MRC2: variants seen among roughly 807,000 people sequenced by gnomAD.
The protein encoded by MRC2 is C-type mannose receptor 2.
A neutral mutation model predicts 206.2 loss-of-function variants in MRC2; 84 were observed. That is an observed-to-expected ratio of 0.41 (90% CI 0.34 to 0.49). MRC2 has a LOEUF of 0.49. Among genes scored for constraint, MRC2 ranks in the 20% least tolerant of loss-of-function variants. MRC2 has a pLI of 0.31. For missense variants in MRC2, 1,676 were observed against 2,001.5 expected (o/e 0.84, Z 3.10); for synonymous variants, 798 against 800.0 (o/e 1.00, Z 0.04).
Position 62,690,573 on chromosome 17 carries a change from A to G in MRC2, c.3893-69A>G, listed in dbSNP as rs140314642. ...CTCAGGCTGCAGAGAAGAGGGCTGG[A>G]GCAGCTCTGGGGGACTCTGCCCCCC... On this transcript the variant is annotated intron_variant, in intron 26 of 29. Coordinates refer to ENST00000303375, the MANE Select transcript of MRC2 (RefSeq NM_006039.5). The G allele has an allele frequency of 4.3e-4, 651 of 1,508,576 alleles. 6 individuals carry two copies. The African/African-American group carries it at 8.3e-3, about 19-fold the overall frequency. The allele number at this position is 1,508,576 out of a possible 1,614,324, so 93.4% of individuals were successfully genotyped here.
At chr17:62,643,634 G>C (rs1225851604) in intron 1 of MRC2, among the ~76,000 whole-genome samples, 1 of 152,132 alleles carries the variant, frequency 6.6e-6, no homozygotes, top group Non-Finnish European at 1.5e-5. Flanking sequence ...TTCACCAAGA[G>C]GAAATGCCAG....
At chr17:62,634,541 T>C (rs1195025961) in intron 1 of MRC2, among the ~76,000 whole-genome samples, 2 of 152,164 alleles carry the variant, frequency 1.3e-5, no homozygotes, top group Non-Finnish European at 2.9e-5. Context: ...CCTCATGATC[T>C]GCCTGCCTCA....
intron 1 of MRC2, among the ~76,000 whole-genome samples, chr17:62,646,058 TC>T (rs2088480845): frequency 1.4e-5 from 2 of 145,102 alleles, no homozygotes; most frequent in Admixed American, 1.4e-4. Flanking sequence ...GGAGTCTTGC[TC>T]TGTTGCCCAG....
intron 23 of MRC2, among the ~76,000 whole-genome samples, 180 bp downstream of exon 23, chr17:62,689,140 AG>A (rs1435689707): frequency 6.6e-6 from 1 of 152,124 alleles, no homozygotes; most frequent in African/African-American, 2.4e-5. Context: ...CACAGGTCTC[AG>A]GAGGAAGATT....
At chr17:62,640,012 C>T (rs1342754542) in intron 1 of MRC2, among the ~76,000 whole-genome samples, 2 of 142,186 alleles carry the variant, frequency 1.4e-5, no homozygotes, top group African/African-American at 5.3e-5. Context: ...TGCCACCATG[C>T]CCAGCTTTTT....
In MRC2 at chr17:62,652,656, G is replaced by T. The variant is rs1375210550; in HGVS notation, c.119-11892G>T. ...ACGCAGACCGGGCATTTGTCTAGCT[G>T]GGCGGGAGGCGGCGGAGCGGGAAGT... On this transcript the variant is annotated intron_variant, in intron 1 of 29. Transcript: ENST00000303375. This position sits in a 1 kb window ranked among gnomAD's most constrained non-coding sequence, Gnocchi z 4.6. 6.6e-6 allele frequency among the ~76,000 whole-genome samples: 1 copy of T among 152,148 alleles called. No homozygotes were observed. Among genetic ancestry groups the T allele is most frequent in the Non-Finnish European group, 1.5e-5 (1 of 68,030 alleles).
In MRC2 at chr17:62,628,614, A is replaced by G. The variant is rs2084190129; in HGVS notation, c.118+694A>G. Among the ~76,000 whole-genome samples, 4 of 152,312 alleles carry G rather than the reference A, an allele frequency of 2.6e-5. No individual in the cohort carries two copies. In the South Asian group the frequency reaches 8.3e-4, roughly 32 times the overall value. On this transcript the variant is annotated intron_variant, in intron 1 of 29. Transcript: ENST00000303375. The stretch of plus-strand genomic sequence containing the variant: ...GCTCTGGGCACACTAGTGGCCCTCC[A>G]GAGGGGACAGACCTTGAGCGGCAAA...
chr17:62,645,543 T>A (rs1422723019), intron 1 of MRC2, among the ~76,000 whole-genome samples: 2 of 118,844 alleles, frequency 1.7e-5, no homozygotes, highest in African/African-American at 6.9e-5. Flanking sequence ...TTTTTTTTTT[T>A]TTTTTTTTGA....
intron 1 of MRC2, among the ~76,000 whole-genome samples, chr17:62,643,420 T>A (rs1262134022): frequency 2.1e-5 from 3 of 146,106 alleles, no homozygotes; most frequent in Non-Finnish European, 3.0e-5. Flanking sequence ...GTCAGGAGAG[T>A]GGTTACCTTT....
At chr17:62,683,939 A>C (rs2147486756) in intron 20 of MRC2, 1 of 152,356 alleles carries the variant, frequency 6.6e-6, no homozygotes, top group South Asian at 2.1e-4. Flanking sequence ...CAAAAAGTGA[A>C]ACAATACAGA....
At chr17:62,662,909 CAAAAAAGAAACAA>C (rs1019158954) in intron 1 of MRC2, among the ~76,000 whole-genome samples, 10 of 151,808 alleles carry the variant, frequency 6.6e-5, no homozygotes, top group Admixed American at 2.6e-4. Flanking sequence ...TAGTCCGTCT[CAAAAAAGAAACAA>C]AAAAAAGAAA....
intron 1 of MRC2, among the ~76,000 whole-genome samples, chr17:62,647,698 T>C (rs1024432213): frequency 2.0e-5 from 3 of 152,208 alleles, no homozygotes; most frequent in Non-Finnish European, 4.4e-5. Flanking sequence ...CTTAGTTCTT[T>C]CCTTAAGTTA....
rs1165387257 is a variant in MRC2, at chr17:62,669,802, C to T, written c.1118-1847C>T. Among the ~76,000 whole-genome samples, 3 of 152,172 alleles carry T rather than the reference C, an allele frequency of 2.0e-5. No individual in the cohort carries two copies. The East Asian group carries it at 5.8e-4, about 29-fold the overall frequency. On this transcript the variant is annotated intron_variant, in intron 6 of 29. Coordinates refer to ENST00000303375, the MANE Select transcript of MRC2 (RefSeq NM_006039.5). ...AACTCCTGTCTTCAAGTGATTCACCCGCCTCGGCCTCCCAAAGTGCTGGAA... is the reference window on the plus strand; with the variant it reads ...AACTCCTGTCTTCAAGTGATTCACCTGCCTCGGCCTCCCAAAGTGCTGGAA...
chr17:62,677,314 T>C lies in MRC2; in HGVS notation c.1880T>C (p.Met627Thr), dbSNP rs561067023. 3.4e-5 allele frequency: 55 copies of C among 1,607,174 alleles called. No individual in the cohort carries two copies. In the African/African-American group the frequency reaches 5.1e-4, roughly 15 times the overall value. The change falls in exon 12 of 30, where the codon ATG becomes ACG. Residue 627 changes from methionine to threonine, a missense_variant. By Grantham distance (81) the Met-to-Thr change is moderately conservative (BLOSUM62 -1). Coordinates refer to ENST00000303375, the MANE Select transcript of MRC2 (RefSeq NM_006039.5). The stretch of plus-strand genomic sequence containing the variant: ...GTGGCGCTGGCCACTGGCAGCGCCA[T>C]GGGGCTGTGGGAGGTGAAGAACTGT... Reference protein sequence around the residue: ...GCVALATGSAMGLWEVKNCTS... With the variant: ...GCVALATGSATGLWEVKNCTS...
At chr17:62,679,035 A>G (rs936955448) in intron 13 of MRC2, among the ~76,000 whole-genome samples, 10 of 151,944 alleles carry the variant, frequency 6.6e-5, no homozygotes, top group African/African-American at 1.9e-4. Flanking sequence ...ACACTCCTCA[A>G]TCCACAGTTT....
intron 20 of MRC2, among the ~76,000 whole-genome samples, chr17:62,685,335 A>G (rs1467111452): frequency 2.0e-5 from 3 of 152,154 alleles, no homozygotes; most frequent in Non-Finnish European, 4.4e-5. Flanking sequence ...TTGAGCTCAT[A>G]CTAAATAATA....
chr17:62,667,633 A>C lies in MRC2; in HGVS notation c.1117+100A>C. 1 of 1,346,130 alleles carries C rather than the reference A, an allele frequency of 7.4e-7. No individual in the cohort carries two copies. The highest frequency in any genetic ancestry group is 1.0e-6 in the Non-Finnish European group (1 of 1,004,652). The allele number at this position is 1,346,130 out of a possible 1,614,324, so 83.4% of individuals were successfully genotyped here. On this transcript the variant is annotated intron_variant, in intron 6 of 29. Transcript: ENST00000303375. This position sits in a 1 kb window ranked among gnomAD's most constrained non-coding sequence, Gnocchi z 4.1. ...CCCAGCCTCTCCTCCGGTTACCACCACAGCACAAGGGGACTCTGGATCCTC... is the reference window on the plus strand; with the variant it reads ...CCCAGCCTCTCCTCCGGTTACCACCCCAGCACAAGGGGACTCTGGATCCTC...
rs768207569 is a variant in MRC2 at position 62,689,939 on chromosome 17, G to A, written c.3619G>A (p.Val1207Met). The change falls in exon 25 of 30, where the codon GTG becomes ATG. Residue 1207 changes from valine to methionine, a missense_variant. Physicochemically the swap from Val to Met is conservative, Grantham distance 21. Transcript: ENST00000303375. Reference protein sequence around the residue: ...SWVSEEPLNYVGWQDGEPQQP... With the variant: ...SWVSEEPLNYMGWQDGEPQQP... ...GGTCTCAGAGGAGCCGCTGAACTAC[G>A]TGGGCTGGCAGGACGGGGAGCCGCA... The A allele has an allele frequency of 5.0e-6, 8 of 1,610,062 alleles. No individual in the cohort carries two copies. Among genetic ancestry groups the A allele is most frequent in the East Asian group, 4.5e-5 (2 of 44,766 alleles).
intron 1 of MRC2, among the ~76,000 whole-genome samples, chr17:62,635,870 C>T (rs1362711748): frequency 1.3e-5 from 2 of 151,950 alleles, no homozygotes; most frequent in African/African-American, 2.4e-5. Context: ...TCACTGCAAG[C>T]TCTGCCTCCC....
Sources: gnomAD v4.1 joint callset for allele counts (sites outside exome capture counted in the v4.1 genomes callset) on GRCh38, gnomAD v4.1.1 for gene constraint, Gnocchi (gnomAD v3.1) non-coding constraint, MANE v1.5 for transcripts, NCBI Gene and HGNC (gene_info 2026-07-23, HGNC 2026-07-21) for gene names.